Variants in DMXL2 observed in about 807,000 individuals in gnomAD.
The protein encoded by DMXL2 is dmX-like protein 2.
In DMXL2, 103 loss-of-function variants were observed where a neutral mutation model predicts 331.1. The observed-to-expected ratio is 0.31, with a 90% CI of 0.27 to 0.37. The LOEUF (loss-of-function observed/expected upper bound fraction) is 0.37. Ranked by LOEUF, DMXL2 falls within the 10% of genes least tolerant of loss-of-function variation. The probability of loss-of-function intolerance (pLI) is 1.00; values close to 1 mark genes in which losing one functional copy is unlikely to be tolerated. For synonymous variants in DMXL2, 1,281 were observed against 1,252.1 expected (o/e 1.02, Z -0.49); for missense variants, 3,171 against 3,642.9 (o/e 0.87, Z 3.33).
At chr15:51,477,276 T>C (rs1490188834) in intron 26 of DMXL2, among the ~76,000 whole-genome samples, 1 of 152,028 alleles carries the variant, frequency 6.6e-6, no homozygotes, top group African/African-American at 2.4e-5. Flanking sequence ...TTGGGGAAAA[T>C]ATAAAAGCGG....
chr15:51,456,505 GA>G, intron 37 of DMXL2, 136 bp from the exon 38 acceptor site: 1 of 614,904 alleles, frequency 1.6e-6, no homozygotes, highest in Non-Finnish European at 2.8e-6. Context: ...TGGATGTTCT[GA>G]ACCACTACAT....
rs556040869 is a variant in DMXL2 at position 51,617,910 on chromosome 15, C to T, written c.87+4549G>A. Among the ~76,000 whole-genome samples, 12 of 152,252 alleles carry T rather than the reference C, an allele frequency of 7.9e-5. No homozygotes were observed. In the South Asian group the frequency reaches 2.5e-3, roughly 32 times the overall value. The stretch of plus-strand genomic sequence containing the variant: ...AACAATCTACGCAGGGACATAAGAA[C>T]TTATAAACCCTATATTCACTTACTG... On this transcript the variant is annotated intron_variant, in intron 1 of 43. Transcript: ENST00000560891.
chr15:51,455,349 G>T, intron 39 of DMXL2, 121 bp from the exon 40 acceptor site: 1 of 834,804 alleles, frequency 1.2e-6, no homozygotes, highest in Non-Finnish European at 1.9e-6. Flanking sequence ...CTATGTTTCT[G>T]TTGCTGTCAT....
chr15:51,506,064 G>A (rs575468965), intron 16 of DMXL2, among the ~76,000 whole-genome samples: 109 of 152,284 alleles, frequency 7.2e-4, no homozygotes, highest in African/African-American at 2.5e-3. Context: ...AATCATAATT[G>A]CATTTCTTTT....
rs759939587 is a variant in DMXL2, at chr15:51,536,392, T to A, written c.2088A>T (p.Val696=). The change falls in exon 12 of 44, where the codon GTA becomes GTT. Residue 696 remains valine (V), a synonymous_variant. Transcript: ENST00000560891. ...GTTTCGAGGAACCTTTTATATGTTT[T>A]ACAGGGTCCATTAATCTACTTAATT... ...DNKLSRLMDP[V]KHIKGSSKQP... The A allele has an allele frequency of 3.1e-6, 5 of 1,613,758 alleles. No homozygotes were observed. The South Asian group carries it at 5.5e-5, about 18-fold the overall frequency.
intron 1 of DMXL2, among the ~76,000 whole-genome samples, chr15:51,600,207 T>C (rs531904068): frequency 1.3e-5 from 2 of 152,314 alleles, no homozygotes; most frequent in East Asian, 3.9e-4. Flanking sequence ...TTTTTAGTTC[T>C]CCATTTCCTC....
At chr15:51,495,282 T>C in intron 18 of DMXL2, 148 bp from the exon 19 acceptor site, 1 of 439,546 alleles carries the variant, frequency 2.3e-6, no homozygotes, top group South Asian at 5.6e-5. Context: ...TTTAACGTCT[T>C]TACAAAAAAT....
intron 6 of DMXL2, among the ~76,000 whole-genome samples, chr15:51,560,052 G>C (rs772332112): frequency 3.3e-5 from 5 of 152,134 alleles, no homozygotes; most frequent in African/African-American, 4.8e-5. Flanking sequence ...AATGGAAAAA[G>C]AATGAACTAT....
chr15:51,594,795 C>T (rs149417645), intron 1 of DMXL2, among the ~76,000 whole-genome samples: 301 of 152,306 alleles, frequency 2.0e-3, no homozygotes, highest in African/African-American at 6.9e-3. Context: ...AGCATATAAA[C>T]AGAACCAAAG....
chr15:51,472,208 A>C (rs191107456), intron 28 of DMXL2, among the ~76,000 whole-genome samples: 77 of 152,236 alleles, frequency 5.1e-4, no homozygotes, highest in Non-Finnish European at 8.1e-4. Context: ...CCCATCACAG[A>C]AAATAATTTT....
chr15:51,535,555 C>T (rs1301898274), intron 13 of DMXL2, 108 bp downstream of exon 13: 2 of 1,020,756 alleles, frequency 2.0e-6, no homozygotes, highest in Admixed American at 2.6e-5. Context: ...CAGCCCAGAA[C>T]ATATACTTAC....
chr15:51,481,628 A>G lies in DMXL2; in HGVS notation c.5483-5T>C. On this transcript the variant is annotated splice_region_variant and splice_polypyrimidine_tract_variant and intron_variant, in intron 23 of 43. Coordinates refer to ENST00000560891, the MANE Select transcript of DMXL2 (RefSeq NM_001378457.1). ...GGTTACAAGACTTGATGATAACTAT[A>G]GAAATCAAACAGATAAAATCACAAA... 6.5e-7 allele frequency: 1 copy of G among 1,529,586 alleles called. No homozygotes were observed. 94.8% of individuals were successfully genotyped at this position (1,529,586 alleles called of 1,614,324 possible). A position where few individuals can be genotyped will look rare whatever the true frequency, so the allele number is the denominator to read the frequency against.
At chr15:51,497,906 G>GA (rs560476938) in intron 18 of DMXL2, among the ~76,000 whole-genome samples, 112 of 151,986 alleles carry the variant, frequency 7.4e-4, no homozygotes, top group African/African-American at 2.6e-3. Context: ...TATTATCAAA[G>GA]AAAAAATCAT....
In DMXL2 at chr15:51,622,535, T is replaced by A. The variant is rs1167899655; in HGVS notation, c.11A>T (p.His4Leu). The A allele has an allele frequency of 6.4e-7, 1 of 1,557,042 alleles. No homozygotes were observed. MHL[H>L]QVLTGAVNPG... ...GTTGACAGCTCCGGTGAGGACCTGA[T>A]GCAGATGCATCTCCGGAGCCCGGGC... is the stretch of plus-strand genomic sequence containing the variant. The change falls in exon 1 of 44, where the codon CAT becomes CTT. Residue 4 changes from histidine to leucine, a missense_variant. This residue lies in a region of DMXL2 where 1,674 missense variants were observed against 1,780.2 expected (regional missense o/e 0.94). Coordinates refer to ENST00000560891, the MANE Select transcript of DMXL2 (RefSeq NM_001378457.1).
At chr15:51,526,415 G>A (rs1332234342) in intron 13 of DMXL2, among the ~76,000 whole-genome samples, 1 of 152,136 alleles carries the variant, frequency 6.6e-6, no homozygotes, top group Admixed American at 6.5e-5. Flanking sequence ...TATCTGGAAA[G>A]CCTTCCCAAG....
chr15:51,503,217 T>G (rs1359882391), intron 16 of DMXL2, among the ~76,000 whole-genome samples, 184 bp from the exon 17 acceptor site: 2 of 152,184 alleles, frequency 1.3e-5, no homozygotes, highest in East Asian at 3.8e-4. Context: ...ATCTCACTAC[T>G]AGGTGTTTAC....
intron 6 of DMXL2, among the ~76,000 whole-genome samples, chr15:51,550,467 A>G (rs1358929875): frequency 6.6e-6 from 1 of 152,152 alleles, no homozygotes; most frequent in Non-Finnish European, 1.5e-5. Context: ...GCTAGGTAAC[A>G]TATCCATCAC....
chr15:51,611,990 C>T (rs1250015340), intron 1 of DMXL2, among the ~76,000 whole-genome samples: 1 of 152,182 alleles, frequency 6.6e-6, no homozygotes, highest in African/African-American at 2.4e-5. Flanking sequence ...AAGCTTTGTC[C>T]TTTTGCTTTG....
intron 1 of DMXL2, among the ~76,000 whole-genome samples, chr15:51,592,438 T>G (rs1183527085): frequency 6.6e-6 from 1 of 152,220 alleles, no homozygotes; most frequent in Non-Finnish European, 1.5e-5. Flanking sequence ...AATCTACGTC[T>G]CATTGGTGTA....
Sources: gnomAD v4.1 joint callset for allele counts (sites outside exome capture counted in the v4.1 genomes callset) on GRCh38, gnomAD v4.1.1 for gene constraint, gnomAD v4.1.1 regional missense constraint, MANE v1.5 for transcripts, NCBI Gene and HGNC (gene_info 2026-07-23, HGNC 2026-07-21) for gene names.